ITGAE: variants seen among roughly 807,000 people sequenced by gnomAD.
The protein encoded by ITGAE is integrin alpha-E.
In ITGAE, 99 loss-of-function variants were observed where a neutral mutation model predicts 136.5. The observed-to-expected ratio is 0.73, with a 90% CI of 0.62 to 0.86. ITGAE has a LOEUF of 0.86. Ranked by LOEUF, ITGAE falls within the 40% of genes least tolerant of loss-of-function variation. The pLI, the probability that ITGAE is intolerant of heterozygous loss-of-function variation, is 0.00. For synonymous variants in ITGAE, 613 were observed against 591.8 expected (o/e 1.04, Z -0.52); for missense variants, 1,447 against 1,515.3 (o/e 0.95, Z 0.75).
rs571187267 is a variant in ITGAE at position 3,764,434 on chromosome 17, C to T, written c.156-474G>A. ...TTTGGAGGCCGGGCGCGGCGGCTCA[C>T]GCCTGTAATCCCAGCACTTTGGGAG... On this transcript the variant is annotated intron_variant, in intron 2 of 30. Transcript: ENST00000263087. Among the ~76,000 whole-genome samples, 8 of 152,298 alleles carry T rather than the reference C, an allele frequency of 5.3e-5. No individual in the cohort carries two copies. In the East Asian group the frequency reaches 1.4e-3, roughly 26 times the overall value.
chr17:3,762,097 G>A, intron 3 of ITGAE, 115 bp from the exon 4 acceptor site: 1 of 794,272 alleles, frequency 1.3e-6, no homozygotes, highest in Non-Finnish European at 2.1e-6. Flanking sequence ...GGAACTGTTG[G>A]CCACTCAGAG....
At position 3,801,156 on chromosome 17, in the gene ITGAE, C is replaced by G. The variant is rs774043067; in HGVS notation, c.-12G>C. On this transcript the variant is annotated 5_prime_UTR_variant, in exon 1 of 31. Coordinates refer to ENST00000263087, the MANE Select transcript of ITGAE (RefSeq NM_002208.5). ...TGGAAGAGCCACATCCTTGCTGGAG[C>G]AGAGGCGGCTGTGTGGGAGCCGAGG... 2 of 1,610,402 alleles carry G rather than the reference C, an allele frequency of 1.2e-6. No individual in the cohort carries two copies. Among genetic ancestry groups the G allele is most frequent in the Admixed American group, 1.7e-5 (1 of 60,008 alleles).
chr17:3,723,806 T>TCCCGGC lies in ITGAE; in HGVS notation c.3085-68_3085-63dup, dbSNP rs575863003. On this transcript the variant is annotated intron_variant, in intron 26 of 30. Coordinates refer to ENST00000263087, the MANE Select transcript of ITGAE (RefSeq NM_002208.5). ...ACCAAGCCGCCAGTTTTCCGTCCCG[T>TCCCGGC]CCCGGCCCCGGCCCTGGCGAGGTGC... 1,216 of 1,587,534 alleles carry TCCCGGC rather than the reference T, an allele frequency of 7.7e-4. 13 individuals are homozygous for TCCCGGC. In the African/African-American group the frequency reaches 0.015, roughly 19 times the overall value.
At chr17:3,760,142 A>G (rs1207159193) in intron 7 of ITGAE, 30 bp downstream of exon 7, 1 of 1,259,838 alleles carries the variant, frequency 7.9e-7, no homozygotes, top group South Asian at 1.2e-5. Flanking sequence ...AGCAATAGAT[A>G]AGTGTTAACC....
At chr17:3,788,032 CCTGA>C (rs1343985544) in intron 1 of ITGAE, among the ~76,000 whole-genome samples, 11 of 152,088 alleles carry the variant, frequency 7.2e-5, no homozygotes, top group Non-Finnish European at 1.2e-4. Context: ...TTACAAGATT[CCTGA>C]CTATTTTGAT....
At position 3,720,243 on chromosome 17, in the gene ITGAE, G is replaced by A. The variant is rs1168159782; in HGVS notation, c.3333+64C>T. The A allele has an allele frequency of 1.3e-5, 10 of 767,590 alleles. No homozygotes were observed. In the East Asian group the frequency reaches 2.5e-4, roughly 19 times the overall value. 47.5% of individuals were successfully genotyped at this position (767,590 alleles called of 1,614,324 possible). On this transcript the variant is annotated intron_variant, in intron 29 of 30. Transcript: ENST00000263087. Reference sequence around the variant, plus strand: ...AGGAAGAGGGCAACAGAATGTCTGTGGAGGTGCTCAAAGGTTAGGCACAAT... The same window carrying A: ...AGGAAGAGGGCAACAGAATGTCTGTAGAGGTGCTCAAAGGTTAGGCACAAT...
chr17:3,776,772 T>G (rs1039247312), intron 2 of ITGAE, among the ~76,000 whole-genome samples: 18 of 151,742 alleles, frequency 1.2e-4, no homozygotes, highest in Non-Finnish European at 2.9e-5. Context: ...TTGCCCAGGG[T>G]GGTCTTGAAC....
At chr17:3,772,569 T>C (rs1396499700) in intron 2 of ITGAE, among the ~76,000 whole-genome samples, 1 of 151,682 alleles carries the variant, frequency 6.6e-6, no homozygotes, top group Non-Finnish European at 1.5e-5. Context: ...GTTCATGCCA[T>C]TCTCCTGCCT....
chr17:3,773,274 G>A (rs959023079), intron 2 of ITGAE, among the ~76,000 whole-genome samples: 40 of 152,124 alleles, frequency 2.6e-4, no homozygotes, highest in Admixed American at 1.2e-3. Flanking sequence ...GGCGGATCAC[G>A]AGGTCAGGAG....
chr17:3,764,297 G>A (rs2052242012), intron 2 of ITGAE, among the ~76,000 whole-genome samples: 1 of 152,210 alleles, frequency 6.6e-6, no homozygotes, highest in Admixed American at 6.5e-5. Flanking sequence ...GGTTCTGTTG[G>A]GGGCAGTGCT....
At chr17:3,760,933 G>T in intron 6 of ITGAE, 80 bp downstream of exon 6, 1 of 1,516,574 alleles carries the variant, frequency 6.6e-7, no homozygotes, top group African/African-American at 1.4e-5. Context: ...TCAGACTGAG[G>T]CACCCCTCAC....
intron 7 of ITGAE, 101 bp from the exon 8 acceptor site, chr17:3,759,654 CT>C: frequency 7.2e-7 from 1 of 1,390,134 alleles, no homozygotes; most frequent in Non-Finnish European, 1.0e-6. Flanking sequence ...CTCCTTCTAC[CT>C]TATCCCTGGG....
chr17:3,773,937 T>G (rs912600930), intron 2 of ITGAE, among the ~76,000 whole-genome samples: 1 of 152,230 alleles, frequency 6.6e-6, no homozygotes, highest in Non-Finnish European at 1.5e-5. Context: ...GACCAAATGT[T>G]TATTTTGAGA....
At chr17:3,785,223 C>T (rs956708357) in intron 1 of ITGAE, among the ~76,000 whole-genome samples, 10 of 152,072 alleles carry the variant, frequency 6.6e-5, no homozygotes, top group Non-Finnish European at 1.2e-4. Flanking sequence ...AACCCCAGCA[C>T]TTTGGGAGGC....
intron 20 of ITGAE, 98 bp from the exon 21 acceptor site, chr17:3,735,047 G>C: frequency 7.2e-7 from 1 of 1,383,700 alleles, no homozygotes; most frequent in Non-Finnish European, 1.0e-6. Flanking sequence ...GCGTGGTGCT[G>C]TGGTGCAATG....
chr17:3,798,300 A>G lies in ITGAE; in HGVS notation c.34+2811T>C, dbSNP rs1012958918. 5.3e-5 allele frequency among the ~76,000 whole-genome samples: 8 copies of G among 152,126 alleles called. No homozygotes were observed. The highest frequency in any genetic ancestry group is 3.3e-4 in the Admixed American group (5 of 15,274). ...CTTCTCTTCACACAGGGGCTGGGATAGGGGTGGCCTCGCCTCTGCCCGCAC... is the reference window on the plus strand; with the variant it reads ...CTTCTCTTCACACAGGGGCTGGGATGGGGGTGGCCTCGCCTCTGCCCGCAC... On this transcript the variant is annotated intron_variant, in intron 1 of 30. Coordinates refer to ENST00000263087, the MANE Select transcript of ITGAE (RefSeq NM_002208.5). This position sits in a 1 kb window ranked among gnomAD's most constrained non-coding sequence, Gnocchi z 4.3.
Position 3,755,910 on chromosome 17 carries a change from A to G in ITGAE, c.1172-13T>C. 1 of 1,587,672 alleles carries G rather than the reference A, an allele frequency of 6.3e-7. No individual in the cohort carries two copies. Among genetic ancestry groups the G allele is most frequent in the East Asian group, 2.3e-5 (1 of 44,008 alleles). On this transcript the variant is annotated splice_polypyrimidine_tract_variant and intron_variant, in intron 10 of 30. Transcript: ENST00000263087. ...TCTCCAACCGTGCCTGCAAGCCAAG[A>G]AGCCCAGTGAGACTGCTGTGGGCCG...
intron 3 of ITGAE, among the ~76,000 whole-genome samples, chr17:3,762,888 C>T (rs1439441694): frequency 6.7e-6 from 1 of 150,308 alleles, no homozygotes; most frequent in African/African-American, 2.5e-5. Flanking sequence ...CATGAGCCAC[C>T]GTGCCTGGCA....
chr17:3,725,970 T>C (rs1169160413), intron 26 of ITGAE: 1 of 1,613,746 alleles, frequency 6.2e-7, no homozygotes, highest in East Asian at 2.2e-5. Flanking sequence ...TATCCCCAGC[T>C]GTGGGTTGCA....
Sources: allele counts gnomAD v4.1 joint callset (sites outside exome capture counted in the v4.1 genomes callset), GRCh38; gene constraint gnomAD v4.1.1; non-coding constraint Gnocchi (gnomAD v3.1); transcripts MANE v1.5; gene names NCBI Gene and HGNC (gene_info 2026-07-23, HGNC 2026-07-21).